Variants in CDHR1 observed in about 807,000 individuals in gnomAD.
CDHR1 encodes cadherin-related family member 1.
In CDHR1, 61 loss-of-function variants were observed where a neutral mutation model predicts 72.1. That is an observed-to-expected ratio of 0.85 (90% CI 0.69 to 1.05). The LOEUF is 1.05. CDHR1 is among the 50% of genes least tolerant of loss of function. The pLI is 0.00. For missense variants in CDHR1, 1,186 were observed against 1,115.7 expected, an observed-to-expected ratio of 1.06 and a Z score of -0.90; for synonymous variants, 470 against 448.1, an observed-to-expected ratio of 1.05 and a Z score of -0.62.
At position 84,214,224 on chromosome 10, in the gene CDHR1, A is replaced by G. The variant is rs757474472; in HGVS notation, c.2183A>G (p.Lys728Arg). The G allele has an allele frequency of 2.5e-6, 4 of 1,614,010 alleles. No individual in the cohort carries two copies. In the South Asian group the frequency reaches 3.3e-5, roughly 13 times the overall value. Reference protein sequence around the residue: ...LISTATFWRNKKSNKVLPMRR... With the variant: ...LISTATFWRNRKSNKVLPMRR... ...TCCACCGCCACCTTCTGGCGCAACA[A>G]GAAGTCTAACAAGGTCCTGCCAATG... Residue 728 changes from lysine (K) to arginine (R), a missense_variant, in exon 17 of 17, where the codon AAG (lysine) becomes AGG (arginine). Physicochemically the swap from Lys to Arg is conservative, Grantham distance 26. Coordinates refer to ENST00000623527, the MANE Select transcript of CDHR1 (RefSeq NM_033100.4).
At chr10:84,198,530 T>C (rs1325847015) in intron 4 of CDHR1, among the ~76,000 whole-genome samples, 1 of 152,246 alleles carries the variant, frequency 6.6e-6, no homozygotes, top group African/African-American at 2.4e-5. Context: ...CCCTTCTTCC[T>C]GGCACAACTT....
rs532502152 is a variant in CDHR1, at chr10:84,215,500, G to A, written c.*879G>A. On this transcript the variant is annotated 3_prime_UTR_variant, in exon 17 of 17. Transcript: ENST00000623527. Reference sequence around the variant, plus strand: ...AGGGCTGAGATGTGGTGAGACTTCCGTTTTTATCCAGCTCTTTTGCTCACA... The same window carrying A: ...AGGGCTGAGATGTGGTGAGACTTCCATTTTTATCCAGCTCTTTTGCTCACA... 2.1e-4 allele frequency: 206 copies of A among 967,550 alleles called. No homozygotes were observed. In the African/African-American group the frequency reaches 3.4e-3, roughly 16 times the overall value. The allele number at this position is 967,550 out of a possible 1,614,324, so 59.9% of individuals were successfully genotyped here.
chr10:84,199,777 G>A (rs1489197138), intron 5 of CDHR1, among the ~76,000 whole-genome samples: 3 of 152,200 alleles, frequency 2.0e-5, no homozygotes, highest in Non-Finnish European at 4.4e-5. Flanking sequence ...ACAGGGTGTT[G>A]CCAGATTGCT....
rs45584033 is a variant in CDHR1, at chr10:84,214,475, C to T, written c.2434C>T (p.Pro812Ser). ...PSTGAAQWTV[P>S]TVSGSLTPQP... ...CACTGGCGCAGCCCAGTGGACCGTG[C>T]CTACTGTCTCTGGCTCTCTCACTCC... The change falls in exon 17 of 17, where the codon CCT (proline) becomes TCT (serine). Residue 812 changes from proline to serine, a missense_variant. Pro to Ser is a moderately conservative substitution (Grantham distance 74). Transcript: ENST00000623527. 60,750 of 1,610,018 alleles carry T rather than the reference C, an allele frequency of 0.038. 1,452 individuals are homozygous for T. Among genetic ancestry groups the T allele is most frequent in the Non-Finnish European group, 0.043 (51,314 of 1,179,664 alleles).
At chr10:84,200,319 A>T (rs923181371) in intron 5 of CDHR1, among the ~76,000 whole-genome samples, 2 of 152,098 alleles carry the variant, frequency 1.3e-5, no homozygotes, top group African/African-American at 2.4e-5. Flanking sequence ...TCATAGGTAG[A>T]CCTTTTATCT....
chr10:84,206,037 T>C (rs899603180), intron 10 of CDHR1, 110 bp downstream of exon 10: 126 of 797,906 alleles, frequency 1.6e-4, no homozygotes, highest in Non-Finnish European at 2.6e-4. Flanking sequence ...GGGAGGGGGC[T>C]AGATGTTGTT....
At chr10:84,205,733 C>A in intron 9 of CDHR1, 94 bp from the exon 10 acceptor site, 1 of 809,740 alleles carries the variant, frequency 1.2e-6, no homozygotes, top group Non-Finnish European at 2.1e-6. Flanking sequence ...TCTATGAAGA[C>A]TTCCCTAGGC....
At position 84,218,461 on chromosome 10, in the gene CDHR1, T is replaced by A; in HGVS notation, c.*3840T>A. The A allele has an allele frequency of 1.0e-6, 1 of 985,464 alleles. No homozygotes were observed. Among genetic ancestry groups the A allele is most frequent in the Non-Finnish European group, 1.2e-6 (1 of 829,932 alleles). The allele number at this position is 985,464 out of a possible 1,614,324, so 61.0% of individuals were successfully genotyped here. On this transcript the variant is annotated 3_prime_UTR_variant, in exon 17 of 17. Transcript: ENST00000623527. ...GGTGACAAGTTTGGAGTATATCTTC[T>A]GTGCCAGGCTCTCTTCTAGGTGTTA... is the stretch of plus-strand genomic sequence containing the variant.
rs867038689 is a variant in CDHR1, at chr10:84,217,854, G to T, written c.*3233G>T. ...TGTAGCCGGCAGCCTGCATTTGGGC[G>T]TTGACATTCCAGGGGAGTTAGGAAC... On this transcript the variant is annotated 3_prime_UTR_variant, in exon 17 of 17. Coordinates refer to ENST00000623527, the MANE Select transcript of CDHR1 (RefSeq NM_033100.4). The T allele has an allele frequency of 1.0e-6, 1 of 985,476 alleles. No individual in the cohort carries two copies. 61.0% of individuals were successfully genotyped at this position (985,476 alleles called of 1,614,324 possible).
At chr10:84,205,199 T>C (rs543293246) in intron 9 of CDHR1, among the ~76,000 whole-genome samples, 1 of 152,220 alleles carries the variant, frequency 6.6e-6, no homozygotes. Flanking sequence ...TCGCATCTGG[T>C]GCCTGGTACC....
chr10:84,199,938 C>T (rs113428450), intron 5 of CDHR1, among the ~76,000 whole-genome samples: 4 of 152,250 alleles, frequency 2.6e-5, no homozygotes, highest in African/African-American at 4.8e-5. Context: ...TTTGGGAGGC[C>T]GAGATGGACA....
intron 2 of CDHR1, 108 bp downstream of exon 2, chr10:84,195,697 G>T: frequency 1.1e-6 from 1 of 906,978 alleles, no homozygotes; most frequent in Non-Finnish European, 1.8e-6. Context: ...GCGCCCGGGG[G>T]CTCCTTGTTT....
chr10:84,205,721 A>G (rs2132814235), intron 9 of CDHR1, 106 bp from the exon 10 acceptor site: 3 of 760,944 alleles, frequency 3.9e-6, no homozygotes, highest in Non-Finnish European at 7.0e-6. Context: ...ACAGGATTCC[A>G]TTCTATGAAG....
intron 4 of CDHR1, 134 bp from the exon 5 acceptor site, chr10:84,198,898 A>C (rs951779156): frequency 1.4e-6 from 1 of 701,642 alleles, no homozygotes; most frequent in South Asian, 1.5e-5. Context: ...TGAATAAAAG[A>C]AGGAAGAGAG....
Position 84,213,269 on chromosome 10 carries a change from T to G in CDHR1, c.1961T>G (p.Leu654Arg), listed in dbSNP as rs1207636699. The G allele has an allele frequency of 6.2e-7, 1 of 1,614,222 alleles. No homozygotes were observed. Among genetic ancestry groups the G allele is most frequent in the Admixed American group, 1.7e-5 (1 of 60,026 alleles). The change falls in exon 16 of 17, where the codon CTA becomes CGA. Residue 654 changes from leucine to arginine, a missense_variant. Coordinates refer to ENST00000623527, the MANE Select transcript of CDHR1 (RefSeq NM_033100.4). ...CCTGGAAGGGACTGCCTATGGTCCC[T>G]AGAGGTGCAGGCCAAGGACCGGGGC... ...ITPGRDCLWS[L>R]EVQAKDRGSP...
intron 10 of CDHR1, among the ~76,000 whole-genome samples, chr10:84,207,173 G>A (rs914054356): frequency 6.6e-6 from 1 of 152,070 alleles, no homozygotes; most frequent in African/African-American, 2.4e-5. Context: ...GCATGGGAGG[G>A]AATAAAAGCA....
intron 9 of CDHR1, 37 bp downstream of exon 9, chr10:84,204,642 T>A (rs746489628): frequency 9.1e-6 from 13 of 1,423,668 alleles, no homozygotes; most frequent in Non-Finnish European, 1.2e-5. Flanking sequence ...CAGCTTTGAC[T>A]CTCTAGGTGA....
At chr10:84,196,398 T>G (rs1842029864) in intron 2 of CDHR1, 107 bp from the exon 3 acceptor site, 2 of 1,259,534 alleles carry the variant, frequency 1.6e-6, no homozygotes, top group Admixed American at 3.5e-5. Flanking sequence ...TGGCACTGAG[T>G]TGAATAGTCA....
chr10:84,198,059 T>C (rs1842059180), intron 4 of CDHR1, among the ~76,000 whole-genome samples: 2 of 152,152 alleles, frequency 1.3e-5, no homozygotes, highest in Non-Finnish European at 2.9e-5. Context: ...TGAGCTGAGC[T>C]TCTAATGGGT....
Sources: gnomAD v4.1 joint callset for allele counts (sites outside exome capture counted in the v4.1 genomes callset) on GRCh38, gnomAD v4.1.1 for gene constraint, MANE v1.5 for transcripts, NCBI Gene and HGNC (gene_info 2026-07-23, HGNC 2026-07-21) for gene names.